NOPCHAP1: variants seen among roughly 807,000 people sequenced by gnomAD.
The protein encoded by NOPCHAP1 is NOP protein chaperone 1.
NOPCHAP1 carries 13 observed loss-of-function variants against 14.0 expected under a neutral mutation model. The ratio of observed to expected loss-of-function variants is 0.93; its 90% CI spans 0.60 to 1.47. The LOEUF is 1.47. Ranked by LOEUF, NOPCHAP1 falls within the 40% of genes most tolerant of loss-of-function variation. NOPCHAP1 has a pLI of 0.00. For synonymous variants in NOPCHAP1, 78 were observed against 78.4 expected, an observed-to-expected ratio of 1.00 and a Z score of 0.03; for missense variants, 230 against 226.9, an observed-to-expected ratio of 1.01 and a Z score of -0.09.
intron 3 of NOPCHAP1, among the ~76,000 whole-genome samples, 194 bp from the exon 4 acceptor site, chr12:104,994,284 G>T (rs11112286): frequency 0.23 from 34,400 of 152,044 alleles, 5,383 homozygotes; most frequent in East Asian, 0.5. Flanking sequence ...GAGGCGGAGG[G>T]GGCAGTGAGC....
At position 105,016,442 on chromosome 12, in the gene NOPCHAP1, A is replaced by G. The variant is rs17036595; in HGVS notation, c.*21746A>G. 0.096 allele frequency: 14,698 copies of G among 152,332 alleles called. 805 individuals are homozygous for G. Among genetic ancestry groups the G allele is most frequent in the African/African-American group, 0.14 (5,735 of 41,550 alleles). The allele number at this position is 152,332 out of a possible 1,614,324, so 9.4% of individuals were successfully genotyped here. A position where few individuals can be genotyped will look rare whatever the true frequency, so the allele number is the denominator to read the frequency against. On this transcript the variant is annotated 3_prime_UTR_variant, in exon 4 of 4. Coordinates refer to ENST00000552951, the MANE Select transcript of NOPCHAP1 (RefSeq NM_152318.3). ...AACTTTTGAGGACTTTATTGTATGTATGCGTATTAGTCTGTTCTCACACTG... is the reference window on the plus strand; with the variant it reads ...AACTTTTGAGGACTTTATTGTATGTGTGCGTATTAGTCTGTTCTCACACTG...
rs909122440 is a variant in NOPCHAP1, at chr12:105,010,887, T to G, written c.*16191T>G. 3.3e-5 allele frequency: 5 copies of G among 152,198 alleles called. No individual in the cohort carries two copies. The highest frequency in any genetic ancestry group is 7.3e-5 in the Non-Finnish European group (5 of 68,042). 9.4% of individuals were successfully genotyped at this position (152,198 alleles called of 1,614,324 possible). On this transcript the variant is annotated 3_prime_UTR_variant, in exon 4 of 4. Coordinates refer to ENST00000552951, the MANE Select transcript of NOPCHAP1 (RefSeq NM_152318.3). Reference sequence around the variant, plus strand: ...CTTTTGCATTTAGCTGAGGAGTGTTTTACTTCAATTATGTGGTCAATTTTA... The same window carrying G: ...CTTTTGCATTTAGCTGAGGAGTGTTGTACTTCAATTATGTGGTCAATTTTA...
In NOPCHAP1 at chr12:105,010,266, GTTGTT is replaced by G. The variant is rs1304500847; in HGVS notation, c.*15572_*15576del. On this transcript the variant is annotated 3_prime_UTR_variant, in exon 4 of 4. Coordinates refer to ENST00000552951, the MANE Select transcript of NOPCHAP1 (RefSeq NM_152318.3). Reference sequence around the variant, plus strand: ...AGGTGTTTATAGTTATTTGTATAGAGTTGTTTATAGTATTCTCTGATGGTGGTTTG... The same window carrying G: ...AGGTGTTTATAGTTATTTGTATAGAGTATAGTATTCTCTGATGGTGGTTTG... 6.6e-6 allele frequency: 1 copy of G among 152,126 alleles called. No homozygotes were observed. The highest frequency in any genetic ancestry group is 2.4e-5 in the African/African-American group (1 of 41,430). 9.4% of individuals were successfully genotyped at this position (152,126 alleles called of 1,614,324 possible). A position where few individuals can be genotyped will look rare whatever the true frequency, so the allele number is the denominator to read the frequency against.
rs1873651770 is a variant in NOPCHAP1, at chr12:105,003,529, C to G, written c.*8833C>G. 6.6e-6 allele frequency: 1 copy of G among 152,194 alleles called. No homozygotes were observed. Among genetic ancestry groups the G allele is most frequent in the Admixed American group, 6.5e-5 (1 of 15,280 alleles). 9.4% of individuals were successfully genotyped at this position (152,194 alleles called of 1,614,324 possible). A position where few individuals can be genotyped will look rare whatever the true frequency, so the allele number is the denominator to read the frequency against. On this transcript the variant is annotated 3_prime_UTR_variant, in exon 4 of 4. Transcript: ENST00000552951. Reference sequence around the variant, plus strand: ...ATCTGAAAGGGAAATCACACACAACCTCCAGTTGCTGTGAGAGAGGAATGG... The same window carrying G: ...ATCTGAAAGGGAAATCACACACAACGTCCAGTTGCTGTGAGAGAGGAATGG...
intron 3 of NOPCHAP1, 69 bp from the exon 4 acceptor site, chr12:104,994,409 A>C: frequency 7.4e-7 from 1 of 1,360,460 alleles, no homozygotes. Context: ...GGTTCTTCCC[A>C]ATATTGTTTT....
intron 3 of NOPCHAP1, among the ~76,000 whole-genome samples, chr12:104,993,052 G>C (rs1487802746): frequency 6.6e-6 from 1 of 152,012 alleles, no homozygotes; most frequent in African/African-American, 2.4e-5. Flanking sequence ...TCTCCATTTC[G>C]ACTCCCTCTG....
chr12:104,991,858 C>G lies in NOPCHAP1; in HGVS notation c.339+10C>G, dbSNP rs1319849751. 1 of 1,594,236 alleles carries G rather than the reference C, an allele frequency of 6.3e-7. No individual in the cohort carries two copies. Among genetic ancestry groups the G allele is most frequent in the Admixed American group, 1.8e-5 (1 of 54,632 alleles). ...TAAAGTTATACAAATGGTAACTATG[C>G]TTTGTTTTCATATGGTGAAATTACT... On this transcript the variant is annotated intron_variant, in intron 3 of 3. Transcript: ENST00000552951.
rs112378816 is a variant in NOPCHAP1, at chr12:105,013,649, G to A, written c.*18953G>A. ...AATCTCCTGGTCTGCGGGTTGTGAA[G>A]ACCGTGGGAAAAGCATAGTATCTGG... On this transcript the variant is annotated 3_prime_UTR_variant, in exon 4 of 4. Coordinates refer to ENST00000552951, the MANE Select transcript of NOPCHAP1 (RefSeq NM_152318.3). The A allele has an allele frequency of 0.025, 3,858 of 152,538 alleles. 171 individuals carry two copies. The highest frequency in any genetic ancestry group is 0.088 in the African/African-American group (3,648 of 41,544). The allele number at this position is 152,538 out of a possible 1,614,324, so 9.4% of individuals were successfully genotyped here.
rs1232191153 is a variant in NOPCHAP1, at chr12:105,008,346, TA to T, written c.*13653del. On this transcript the variant is annotated 3_prime_UTR_variant, in exon 4 of 4. Coordinates refer to ENST00000552951, the MANE Select transcript of NOPCHAP1 (RefSeq NM_152318.3). ...TTTTGATGGGGTTGTTTTTTTCTCG[TA>T]AATTTGTTTAAGTTCTTTGTAGATT... The T allele has an allele frequency of 6.6e-6, 1 of 152,228 alleles. No homozygotes were observed. Among genetic ancestry groups the T allele is most frequent in the Non-Finnish European group, 1.5e-5 (1 of 68,038 alleles). The allele number at this position is 152,228 out of a possible 1,614,324, so 9.4% of individuals were successfully genotyped here.
rs768061462 is a variant in NOPCHAP1 at position 104,994,957 on chromosome 12, A to G, written c.*261A>G. 1 of 420,614 alleles carries G rather than the reference A, an allele frequency of 2.4e-6. No individual in the cohort carries two copies. Among genetic ancestry groups the G allele is most frequent in the Non-Finnish European group, 4.3e-6 (1 of 231,036 alleles). 26.1% of individuals were successfully genotyped at this position (420,614 alleles called of 1,614,324 possible). ...TTTTATCAGCTGAACACAGAAGTAGAGTACAGGAATAACTTGATGGGTTAC... is the reference window on the plus strand; with the variant it reads ...TTTTATCAGCTGAACACAGAAGTAGGGTACAGGAATAACTTGATGGGTTAC... On this transcript the variant is annotated 3_prime_UTR_variant, in exon 4 of 4. Transcript: ENST00000552951.
chr12:104,988,938 T>C (rs927113375), intron 2 of NOPCHAP1, among the ~76,000 whole-genome samples: 35 of 152,100 alleles, frequency 2.3e-4, no homozygotes, highest in African/African-American at 8.2e-4. Flanking sequence ...AACCAGTTTT[T>C]GTGGATATAG....
rs988803831 is a variant in NOPCHAP1, at chr12:105,017,589, C to T, written c.*22893C>T. ...TCACTGCCTAGCATAGTGCCTTTCA[C>T]TCAGTTGGAATATATAATAAATGTT... On this transcript the variant is annotated 3_prime_UTR_variant, in exon 4 of 4. Transcript: ENST00000552951. 1.3e-5 allele frequency: 2 copies of T among 151,620 alleles called. No individual in the cohort carries two copies. The highest frequency in any genetic ancestry group is 1.9e-4 in the East Asian group (1 of 5,180). 9.4% of individuals were successfully genotyped at this position (151,620 alleles called of 1,614,324 possible). A position where few individuals can be genotyped will look rare whatever the true frequency, so the allele number is the denominator to read the frequency against.
chr12:104,988,376 A>G lies in NOPCHAP1; in HGVS notation c.202+123A>G, dbSNP rs560139280. 31 of 640,180 alleles carry G rather than the reference A, an allele frequency of 4.8e-5. 1 individual carries two copies. In the East Asian group the frequency reaches 7.2e-4, roughly 15 times the overall value. 39.7% of individuals were successfully genotyped at this position (640,180 alleles called of 1,614,324 possible). On this transcript the variant is annotated intron_variant, in intron 2 of 3. Coordinates refer to ENST00000552951, the MANE Select transcript of NOPCHAP1 (RefSeq NM_152318.3). ...CAGATAGTCCAGTGGAACAAGTCCT[A>G]CTTGGGATTTACATGATAAAGTCAG...
At position 104,994,664 on chromosome 12, in the gene NOPCHAP1, T is replaced by C. The variant is rs1873458622; in HGVS notation, c.526T>C (p.Leu176=). 1 of 1,613,582 alleles carries C rather than the reference T, an allele frequency of 6.2e-7. No individual in the cohort carries two copies. The highest frequency in any genetic ancestry group is 8.5e-7 in the Non-Finnish European group (1 of 1,179,826). Residue 176 remains leucine (L), a synonymous_variant, in exon 4 of 4, where the codon TTG becomes CTG. Transcript: ENST00000552951. The part of the protein sequence containing the change: ...SEGGKGKIEV[L]DSPASKKKK ...AGGTGGAAAAGGCAAGATTGAAGTT[T>C]TGGACAGTCCAGCAAGTAAAAAAAA...
Position 105,009,974 on chromosome 12 carries a change from G to A in NOPCHAP1, c.*15278G>A, listed in dbSNP as rs1175274573. The A allele has an allele frequency of 6.6e-6, 1 of 152,074 alleles. No homozygotes were observed. Among genetic ancestry groups the A allele is most frequent in the Non-Finnish European group, 1.5e-5 (1 of 67,984 alleles). 9.4% of individuals were successfully genotyped at this position (152,074 alleles called of 1,614,324 possible). ...GTTTTGGTATCACGATGATGCTGGT[G>A]TCATAAAATGAATTAGGGAGGAGTC... On this transcript the variant is annotated 3_prime_UTR_variant, in exon 4 of 4. Coordinates refer to ENST00000552951, the MANE Select transcript of NOPCHAP1 (RefSeq NM_152318.3).
rs1442012991 is a variant in NOPCHAP1, at chr12:104,986,484, G to A, written c.115+17G>A. 1.9e-6 allele frequency: 3 copies of A among 1,578,870 alleles called. No individual in the cohort carries two copies. Among genetic ancestry groups the A allele is most frequent in the Non-Finnish European group, 8.6e-7 (1 of 1,159,828 alleles). Reference sequence around the variant, plus strand: ...GCCGCGGAGGTGACGGACGGGTGACGGCGGCATGGGCCGCACACGTGCGGC... The same window carrying A: ...GCCGCGGAGGTGACGGACGGGTGACAGCGGCATGGGCCGCACACGTGCGGC... On this transcript the variant is annotated intron_variant, in intron 1 of 3. Coordinates refer to ENST00000552951, the MANE Select transcript of NOPCHAP1 (RefSeq NM_152318.3).
rs1360161912 is a variant in NOPCHAP1, at chr12:105,014,217, A to G, written c.*19521A>G. ...ATTTCTTTCAACTGCAAATGGTACT[A>G]GGTACCGTCTATAAGTGTTTGTGTG... On this transcript the variant is annotated 3_prime_UTR_variant, in exon 4 of 4. Transcript: ENST00000552951. 4 of 152,230 alleles carry G rather than the reference A, an allele frequency of 2.6e-5. No homozygotes were observed. Among genetic ancestry groups the G allele is most frequent in the African/African-American group, 9.6e-5 (4 of 41,474 alleles). The allele number at this position is 152,230 out of a possible 1,614,324, so 9.4% of individuals were successfully genotyped here.
chr12:105,005,559 G>A lies in NOPCHAP1; in HGVS notation c.*10863G>A, dbSNP rs753266246. Reference sequence around the variant, plus strand: ...AACCCTGCGCAAAGACTAGGCTTGTGACCAGTCTGATTGGTTGCAGGAGGG... The same window carrying A: ...AACCCTGCGCAAAGACTAGGCTTGTAACCAGTCTGATTGGTTGCAGGAGGG... On this transcript the variant is annotated 3_prime_UTR_variant, in exon 4 of 4. Transcript: ENST00000552951. 6.6e-6 allele frequency: 1 copy of A among 152,252 alleles called. No homozygotes were observed. Among genetic ancestry groups the A allele is most frequent in the Non-Finnish European group, 1.5e-5 (1 of 68,058 alleles). The allele number at this position is 152,252 out of a possible 1,614,324, so 9.4% of individuals were successfully genotyped here. A position where few individuals can be genotyped will look rare whatever the true frequency, so the allele number is the denominator to read the frequency against.
At chr12:104,988,327 C>A in intron 2 of NOPCHAP1, 74 bp downstream of exon 2, 3 of 1,187,242 alleles carry the variant, frequency 2.5e-6, no homozygotes, top group Non-Finnish European at 3.7e-6. Flanking sequence ...ACGGTCTCTG[C>A]CTTCATTGTC....
Sources: gnomAD v4.1 joint callset for allele counts (sites outside exome capture counted in the v4.1 genomes callset) on GRCh38, gnomAD v4.1.1 for gene constraint, MANE v1.5 for transcripts, NCBI Gene and HGNC (gene_info 2026-07-23, HGNC 2026-07-21) for gene names.